Variants in CCSER1 observed in about 807,000 individuals in gnomAD.
The protein encoded by CCSER1 is serine-rich coiled-coil domain-containing protein 1.
Under a neutral mutation model 82.0 loss-of-function variants are expected in CCSER1, and 41 were observed. That is an observed-to-expected ratio of 0.50 (90% CI 0.39 to 0.65). CCSER1 has a LOEUF of 0.65. CCSER1 is among the 30% of genes least tolerant of loss of function. The probability of loss-of-function intolerance (pLI) is 0.00; values close to 1 mark genes in which losing one functional copy is unlikely to be tolerated. For synonymous variants in CCSER1, 414 were observed against 383.9 expected (o/e 1.08, Z -0.92); for missense variants, 1,119 against 1,064.2 (o/e 1.05, Z -0.72).
At position 90,132,314 on chromosome 4, in the gene CCSER1, C is replaced by A. The variant is rs150563366; in HGVS notation, c.-42+4483C>A. Among the ~76,000 whole-genome samples, 55 of 152,218 alleles carry A rather than the reference C, an allele frequency of 3.6e-4. No individual in the cohort carries two copies. In the East Asian group the frequency reaches 7.7e-3, roughly 21 times the overall value. On this transcript the variant is annotated intron_variant, in intron 1 of 10. Coordinates refer to ENST00000509176, the MANE Select transcript of CCSER1 (RefSeq NM_001145065.2). ...ATGACTGACAGCTTCTGCATGATTT[C>A]CCTATTGGACAGTGACAAAATCTGT...
intron 8 of CCSER1, among the ~76,000 whole-genome samples, chr4:90,902,362 T>C (rs868505958): frequency 2.0e-5 from 3 of 152,094 alleles, no homozygotes; most frequent in South Asian, 4.1e-4. Flanking sequence ...ATCAAGATAC[T>C]CTGGCTTTTT....
At chr4:90,727,940 GA>G (rs886158850) in intron 7 of CCSER1, among the ~76,000 whole-genome samples, 17 of 150,816 alleles carry the variant, frequency 1.1e-4, no homozygotes, top group Middle Eastern at 6.8e-3. Flanking sequence ...AATTCAGCAG[GA>G]AAAAAAAACT....
chr4:91,371,430 A>AT (rs1750040928), intron 10 of CCSER1, among the ~76,000 whole-genome samples: 1 of 151,586 alleles, frequency 6.6e-6, no homozygotes, highest in African/African-American at 2.4e-5. Context: ...CTTTTTTTCT[A>AT]TTTTTCATGT....
At chr4:90,294,707 A>G (rs910226990) in intron 1 of CCSER1, among the ~76,000 whole-genome samples, 2 of 152,084 alleles carry the variant, frequency 1.3e-5, no homozygotes, top group African/African-American at 4.8e-5. Context: ...AGTCTTAAAT[A>G]TAAAAGTAAT....
intron 9 of CCSER1, among the ~76,000 whole-genome samples, chr4:91,048,302 A>G (rs1455328877): frequency 6.6e-6 from 1 of 151,986 alleles, no homozygotes; most frequent in Non-Finnish European, 1.5e-5. Flanking sequence ...ATAAAATATC[A>G]ATAACAACTA....
chr4:90,741,041 T>C (rs995476323), intron 7 of CCSER1, among the ~76,000 whole-genome samples: 4 of 152,288 alleles, frequency 2.6e-5, no homozygotes, highest in Middle Eastern at 3.4e-3. Flanking sequence ...TTGGCCAAAG[T>C]GAGGATTCTG....
chr4:90,991,715 G>T (rs1381456626), intron 9 of CCSER1, among the ~76,000 whole-genome samples: 1 of 151,970 alleles, frequency 6.6e-6, no homozygotes, highest in Non-Finnish European at 1.5e-5. Flanking sequence ...CCATAGCTAT[G>T]ATTAGGACTT....
chr4:90,196,656 T>TACACACACAC (rs34346681), intron 1 of CCSER1, among the ~76,000 whole-genome samples: 24,611 of 143,678 alleles, frequency 0.17, 2,186 homozygotes, highest in East Asian at 0.2. Context: ...CCTGCTCAGA[T>TACACACACAC]ACACACACAC....
chr4:91,216,741 T>A (rs1377066448), intron 10 of CCSER1, among the ~76,000 whole-genome samples: 1 of 152,226 alleles, frequency 6.6e-6, no homozygotes, highest in Non-Finnish European at 1.5e-5. Flanking sequence ...GTACTTTTTA[T>A]ACTTCGTAAC....
intron 5 of CCSER1, among the ~76,000 whole-genome samples, chr4:90,525,425 A>T (rs2153627393): frequency 6.6e-6 from 1 of 152,274 alleles, no homozygotes; most frequent in South Asian, 2.1e-4. Context: ...AGAAGAATTG[A>T]TTTTAACAAT....
chr4:90,682,726 C>T (rs570096430), intron 6 of CCSER1, among the ~76,000 whole-genome samples: 1 of 152,084 alleles, frequency 6.6e-6, no homozygotes, highest in South Asian at 2.1e-4. Context: ...ATCCATGTGG[C>T]TCTTTTGTCC....
chr4:90,175,567 G>A (rs1433932895), intron 1 of CCSER1, among the ~76,000 whole-genome samples: 1 of 151,824 alleles, frequency 6.6e-6, no homozygotes, highest in African/African-American at 2.4e-5. Context: ...AAAGTTTATT[G>A]GCACATTTTG....
chr4:90,177,954 C>T (rs1287462409), intron 1 of CCSER1, among the ~76,000 whole-genome samples: 1 of 151,986 alleles, frequency 6.6e-6, no homozygotes, highest in Non-Finnish European at 1.5e-5. Context: ...ACATGATACT[C>T]AGAGAAGTAT....
intron 1 of CCSER1, among the ~76,000 whole-genome samples, chr4:90,268,351 T>C (rs899878903): frequency 6.6e-6 from 1 of 152,068 alleles, no homozygotes; most frequent in Non-Finnish European, 1.5e-5. Context: ...ATTTCAGACA[T>C]GGATAGTATA....
chr4:90,536,285 C>T (rs1011757628), intron 5 of CCSER1, among the ~76,000 whole-genome samples: 3 of 152,104 alleles, frequency 2.0e-5, no homozygotes, highest in African/African-American at 4.8e-5. Context: ...GCGCCCGCCT[C>T]GGCCTCCCAA....
chr4:90,272,918 G>T (rs144739559), intron 1 of CCSER1, among the ~76,000 whole-genome samples: 1 of 152,090 alleles, frequency 6.6e-6, no homozygotes, highest in Non-Finnish European at 1.5e-5. Context: ...CAGGAGAATC[G>T]CTTGAACCCA....
chr4:90,220,551 T>C (rs1460225333), intron 1 of CCSER1, among the ~76,000 whole-genome samples: 4 of 152,138 alleles, frequency 2.6e-5, no homozygotes, highest in Non-Finnish European at 5.9e-5. Context: ...GAAATCAGGT[T>C]TGATGGGCTT....
intron 10 of CCSER1, among the ~76,000 whole-genome samples, chr4:91,300,537 T>G (rs1744588417): frequency 6.6e-6 from 1 of 151,846 alleles, no homozygotes; most frequent in Non-Finnish European, 1.5e-5. Flanking sequence ...TAGTCAATTA[T>G]TCAAACACAA....
At chr4:91,333,508 A>G (rs1335891343) in intron 10 of CCSER1, among the ~76,000 whole-genome samples, 2 of 152,036 alleles carry the variant, frequency 1.3e-5, no homozygotes, top group Admixed American at 6.6e-5. Flanking sequence ...ATATAGGGCT[A>G]AAACATAATG....
Sources: gnomAD v4.1 joint callset for allele counts (sites outside exome capture counted in the v4.1 genomes callset) on GRCh38, gnomAD v4.1.1 for gene constraint, MANE v1.5 for transcripts, NCBI Gene and HGNC (gene_info 2026-07-23, HGNC 2026-07-21) for gene names.